Variants in EP300 observed in about 807,000 individuals in gnomAD.
EP300 encodes the protein EP300 lysine acetyltransferase, also known as histone acetyltransferase p300.
A neutral mutation model predicts 264.0 loss-of-function variants in EP300; 31 were observed. The observed-to-expected ratio is 0.12, with a 90% CI of 0.09 to 0.16. The LOEUF (loss-of-function observed/expected upper bound fraction) is 0.16, where lower values mean the gene tolerates loss of function less well. Among genes scored for constraint, EP300 ranks in the 10% least tolerant of loss-of-function variants. EP300 has a pLI of 1.00. For missense variants in EP300, 2,766 were observed against 3,052.9 expected, an observed-to-expected ratio of 0.91 and a Z score of 2.21; for synonymous variants, 1,340 against 1,045.4, an observed-to-expected ratio of 1.28 and a Z score of -5.44.
intron 29 of EP300, chr22:41,174,865 G>A (rs937442546): frequency 1.3e-5 from 2 of 152,038 alleles, no homozygotes; most frequent in South Asian, 4.1e-4. Flanking sequence ...TTTTAGAGAG[G>A]AATTTGTTAT....
chr22:41,104,580 A>C (rs891634988), intron 1 of EP300, among the ~76,000 whole-genome samples: 1 of 151,766 alleles, frequency 6.6e-6, no homozygotes, highest in Admixed American at 6.6e-5. Context: ...GTGAGCCACC[A>C]TGTCCGGCCT....
At chr22:41,111,782 G>A (rs1488257487) in intron 1 of EP300, among the ~76,000 whole-genome samples, 1 of 151,030 alleles carries the variant, frequency 6.6e-6, no homozygotes, top group Non-Finnish European at 1.5e-5. Context: ...TCAGGTGAAC[G>A]CCTGCCTTGG....
rs762151570 is a variant in EP300 at position 41,178,046 on chromosome 22, G to A, written c.6335G>A (p.Gly2112Glu). ...GQPGMPQGQP[G>E]LQPPTMPGQQ... ...CCTGGCATGCCCCAGGGGCAGCCAG[G>A]GCTACAGCCACCTACCATGCCAGGT... Residue 2112 changes from glycine (G) to glutamate (E), a missense_variant, in exon 31 of 31, where the codon GGG (glycine) becomes GAG (glutamate). Coordinates refer to ENST00000263253, the MANE Select transcript of EP300 (RefSeq NM_001429.4). The A allele has an allele frequency of 1.2e-6, 2 of 1,613,880 alleles. No homozygotes were observed. Among genetic ancestry groups the A allele is most frequent in the African/African-American group, 1.3e-5 (1 of 74,870 alleles).
intron 1 of EP300, among the ~76,000 whole-genome samples, chr22:41,101,688 G>A (rs1355036432): frequency 6.6e-6 from 1 of 152,148 alleles, no homozygotes; most frequent in African/African-American, 2.4e-5. Flanking sequence ...TGGGATTACA[G>A]GGGTAAGCCA....
In EP300 at chr22:41,177,855, A is replaced by G. The variant is rs1193267661; in HGVS notation, c.6144A>G (p.Gln2048=). The change falls in exon 31 of 31, where the codon CAA becomes CAG. Residue 2048 remains glutamine, a synonymous_variant. Coordinates refer to ENST00000263253, the MANE Select transcript of EP300 (RefSeq NM_001429.4). ...ISPLKPGTVS[Q]QALQNLLRTL... ...CACTCAAACCAGGCACTGTGTCTCA[A>G]CAAGCCTTACAAAACCTTTTGCGGA... The G allele has an allele frequency of 2.3e-5, 37 of 1,614,166 alleles. No homozygotes were observed. The highest frequency in any genetic ancestry group is 3.1e-5 in the Non-Finnish European group (37 of 1,180,014).
intron 1 of EP300, among the ~76,000 whole-genome samples, chr22:41,095,923 G>C (rs2058699616): frequency 6.6e-6 from 1 of 152,080 alleles, no homozygotes; most frequent in Admixed American, 6.5e-5. Flanking sequence ...CTCAACCTCT[G>C]AATTGCTGTT....
chr22:41,179,612 G>T lies in EP300; in HGVS notation c.*656G>T. On this transcript the variant is annotated 3_prime_UTR_variant, in exon 31 of 31. Transcript: ENST00000263253. ...AAAATTTTCTATTCTGTAAGTCTGA[G>T]CGTAAAACTTCAAGTATTAAAATAA... 4.6e-6 allele frequency: 1 copy of T among 219,716 alleles called. No individual in the cohort carries two copies. Among genetic ancestry groups the T allele is most frequent in the Non-Finnish European group, 9.0e-6 (1 of 110,638 alleles). 13.6% of individuals were successfully genotyped at this position (219,716 alleles called of 1,614,324 possible).
Position 41,111,227 on chromosome 22 carries a change from C to T in EP300, c.95-5960C>T, listed in dbSNP as rs756487625. Among the ~76,000 whole-genome samples the T allele has an allele frequency of 3.5e-4, 54 of 152,324 alleles. No homozygotes were observed. The Middle Eastern group carries it at 0.01, about 29-fold the overall frequency. On this transcript the variant is annotated intron_variant, in intron 1 of 30. Transcript: ENST00000263253. Reference sequence around the variant, plus strand: ...CTGACCTCCAGCAGTCCACCTGTCTCAGCCTCCCAAAGTGCTAGGATTACA... The same window carrying T: ...CTGACCTCCAGCAGTCCACCTGTCTTAGCCTCCCAAAGTGCTAGGATTACA...
At position 41,152,406 on chromosome 22, in the gene EP300, G is replaced by A. The variant is rs2059051855; in HGVS notation, c.3142+56G>A. On this transcript the variant is annotated intron_variant, in intron 16 of 30. Transcript: ENST00000263253. ...TAGCTGAAGAAACCAAAGACCCAGG[G>A]CAGAATTGCGGTCATGCCTCTTGGG... 3 of 1,572,292 alleles carry A rather than the reference G, an allele frequency of 1.9e-6. No homozygotes were observed. The African/African-American group carries it at 4.0e-5, about 21-fold the overall frequency.
At position 41,117,231 on chromosome 22, in the gene EP300, T is replaced by C; in HGVS notation, c.139T>C (p.Leu47=). 6.2e-7 allele frequency: 1 copy of C among 1,614,220 alleles called. No homozygotes were observed. Among genetic ancestry groups the C allele is most frequent in the Non-Finnish European group, 8.5e-7 (1 of 1,180,036 alleles). ...FDLEHDLPDE[L]INSTELGLTN... ...CTTGGAGCACGACTTACCAGATGAA[T>C]TAATCAACTCTACAGAATTGGGACT... Residue 47 remains leucine, a synonymous_variant, in exon 2 of 31, where the codon TTA becomes CTA. Transcript: ENST00000263253.
chr22:41,178,196 G>T lies in EP300; in HGVS notation c.6485G>T (p.Ser2162Ile). The T allele has an allele frequency of 6.2e-7, 1 of 1,614,128 alleles. No homozygotes were observed. Among genetic ancestry groups the T allele is most frequent in the Non-Finnish European group, 8.5e-7 (1 of 1,180,024 alleles). ...CTCCAGCCACCCATGGGAGGGATGA[G>T]CCCCCAGGCTCAGCAGATGAACATG... ...QQLQPPMGGM[S>I]PQAQQMNMNH... The change falls in exon 31 of 31, where the codon AGC becomes ATC. Residue 2162 changes from serine to isoleucine, a missense_variant. Physicochemically the swap from Ser to Ile is moderately radical, Grantham distance 142 (BLOSUM62 -2). Coordinates refer to ENST00000263253, the MANE Select transcript of EP300 (RefSeq NM_001429.4).
chr22:41,128,780 G>A (rs1601605416), intron 4 of EP300, among the ~76,000 whole-genome samples: 1 of 152,176 alleles, frequency 6.6e-6, no homozygotes, highest in South Asian at 2.1e-4. Context: ...CAAAGTGTTA[G>A]GATTACAGGC....
intron 6 of EP300, 22 bp from the exon 7 acceptor site, chr22:41,135,791 C>T (rs760357608): frequency 1.3e-6 from 2 of 1,535,518 alleles, no homozygotes; most frequent in South Asian, 2.2e-5. Flanking sequence ...TTTCTGTCTC[C>T]TGTTATTTCA....
Position 41,179,308 on chromosome 22 carries a change from C to T in EP300, c.*352C>T, listed in dbSNP as rs577686550. ...TTATTATTTTTTTTAAATTAATGAACATATGTAATATTAATAGTTATTATT... is the reference window on the plus strand; with the variant it reads ...TTATTATTTTTTTTAAATTAATGAATATATGTAATATTAATAGTTATTATT... On this transcript the variant is annotated 3_prime_UTR_variant, in exon 31 of 31. Coordinates refer to ENST00000263253, the MANE Select transcript of EP300 (RefSeq NM_001429.4). The T allele has an allele frequency of 3.0e-4, 86 of 288,894 alleles. No homozygotes were observed. Among genetic ancestry groups the T allele is most frequent in the Admixed American group, 1.3e-3 (28 of 21,318 alleles). 17.9% of individuals were successfully genotyped at this position (288,894 alleles called of 1,614,324 possible). A position where few individuals can be genotyped will look rare whatever the true frequency, so the allele number is the denominator to read the frequency against.
At chr22:41,117,091 G>A in intron 1 of EP300, 96 bp from the exon 2 acceptor site, 1 of 1,096,032 alleles carries the variant, frequency 9.1e-7, no homozygotes, top group East Asian at 2.4e-5. Flanking sequence ...AGTGAGGTTG[G>A]GAAATGACAT....
At chr22:41,116,382 C>T (rs1320956741) in intron 1 of EP300, among the ~76,000 whole-genome samples, 1 of 152,106 alleles carries the variant, frequency 6.6e-6, no homozygotes, top group African/African-American at 2.4e-5. Flanking sequence ...CATCCCCCAG[C>T]AGGCCCTGGT....
chr22:41,113,764 T>C (rs560198137), intron 1 of EP300, among the ~76,000 whole-genome samples: 1 of 152,346 alleles, frequency 6.6e-6, no homozygotes, highest in South Asian at 2.1e-4. Flanking sequence ...TCCAGGATGG[T>C]CTCGATCTCC....
At chr22:41,118,912 A>C (rs184951599) in intron 2 of EP300, among the ~76,000 whole-genome samples, 2 of 151,894 alleles carry the variant, frequency 1.3e-5, no homozygotes, top group African/African-American at 4.8e-5. Flanking sequence ...AAAAACCTTA[A>C]ATTTTTTTTT....
chr22:41,158,611 C>A, intron 19 of EP300, 111 bp downstream of exon 19: 1 of 858,534 alleles, frequency 1.2e-6, no homozygotes, highest in Non-Finnish European at 1.9e-6. Flanking sequence ...TGCTTGAAGA[C>A]AGCTGTATAG....
Sources: allele counts gnomAD v4.1 joint callset (sites outside exome capture counted in the v4.1 genomes callset), GRCh38; gene constraint gnomAD v4.1.1; transcripts MANE v1.5; gene names NCBI Gene and HGNC (gene_info 2026-07-23, HGNC 2026-07-21).